The following ACSM5 variants were observed in gnomAD, a reference collection of about 807,000 sequenced individuals.
ACSM5 encodes acyl-CoA synthetase medium chain family member 5.
Under a neutral mutation model 71.6 loss-of-function variants are expected in ACSM5, and 56 were observed. That is an observed-to-expected ratio of 0.78 (90% CI 0.63 to 0.98). The LOEUF (loss-of-function observed/expected upper bound fraction) is 0.98. Ranked by LOEUF, ACSM5 falls within the 50% of genes least tolerant of loss-of-function variation. The pLI is 0.00. For synonymous variants in ACSM5, 285 were observed against 281.5 expected (o/e 1.01, Z -0.12); for missense variants, 723 against 726.0 (o/e 1.00, Z 0.05).
intron 6 of ACSM5, among the ~76,000 whole-genome samples, chr16:20,427,114 A>G (rs1048924935): frequency 6.6e-6 from 1 of 151,972 alleles, no homozygotes; most frequent in African/African-American, 2.4e-5. Flanking sequence ...CAGCCTGGCC[A>G]GGATGGTGAA....
Position 20,415,058 on chromosome 16 carries a change from C to T in ACSM5, c.205-3001C>T, listed in dbSNP as rs555653747. 3.2e-4 allele frequency among the ~76,000 whole-genome samples: 48 copies of T among 152,210 alleles called. No individual in the cohort carries two copies. The South Asian group carries it at 1.0e-2, about 32-fold the overall frequency. ...GATAGAATAACTTATAAGGGATAAG[C>T]TTGGATATTTAGCTAAGGAGATTTC... is the stretch of plus-strand genomic sequence containing the variant. On this transcript the variant is annotated intron_variant, in intron 2 of 13. Transcript: ENST00000331849.
intron 6 of ACSM5, among the ~76,000 whole-genome samples, chr16:20,425,160 C>A (rs1164164987): frequency 6.6e-6 from 1 of 152,216 alleles, no homozygotes; most frequent in Non-Finnish European, 1.5e-5. Flanking sequence ...CCCTTCCCAG[C>A]CTCTGGTAAT....
At chr16:20,421,690 T>G (rs1248677011) in intron 5 of ACSM5, among the ~76,000 whole-genome samples, 1 of 145,516 alleles carries the variant, frequency 6.9e-6, no homozygotes, top group Admixed American at 6.8e-5. Flanking sequence ...CATACACATA[T>G]AAACATATAT....
chr16:20,413,321 G>T (rs1489669344), intron 2 of ACSM5, among the ~76,000 whole-genome samples: 4 of 152,178 alleles, frequency 2.6e-5, no homozygotes, highest in African/African-American at 9.7e-5. Flanking sequence ...CATTTCTGGT[G>T]CATCACGGCA....
At position 20,411,571 on chromosome 16, in the gene ACSM5, AC is replaced by A. The variant is rs1419154357; in HGVS notation, c.89del (p.Pro30LeufsTer89). On this transcript the variant is annotated frameshift_variant, in exon 2 of 14. Transcript: ENST00000331849. LOFTEE classifies it high-confidence loss of function. ...GGTCTCATGGGAAGCCAGCACCTCTACCTGTTCCTCAGAAGATCGTGGCCAC... is the reference window on the plus strand; with the variant it reads ...GGTCTCATGGGAAGCCAGCACCTCTACTGTTCCTCAGAAGATCGTGGCCAC... The part of the protein sequence containing the change: ...CGSHGKPAPL[P>X]VPQKIVATWE... The A allele has an allele frequency of 6.2e-7, 1 of 1,614,118 alleles. No homozygotes were observed. The highest frequency in any genetic ancestry group is 1.1e-5 in the South Asian group (1 of 91,070).
At chr16:20,438,610 T>A (rs1397594301) in intron 12 of ACSM5, among the ~76,000 whole-genome samples, 2 of 151,854 alleles carry the variant, frequency 1.3e-5, no homozygotes, top group African/African-American at 4.8e-5. Context: ...GGCTGTGTGC[T>A]CAAACTTAAT....
chr16:20,410,295 A>T (rs529117455), intron 1 of ACSM5, among the ~76,000 whole-genome samples: 5 of 152,300 alleles, frequency 3.3e-5, no homozygotes, highest in Middle Eastern at 3.4e-3. Flanking sequence ...CTGAGGTCAC[A>T]CGCAGCTCCC....
rs117080231 is a variant in ACSM5, at chr16:20,427,880, T to C, written c.1001+13T>C. On this transcript the variant is annotated intron_variant, in intron 7 of 13. Transcript: ENST00000331849. ...AGGATCTGACCAGGTACAGCCCGTC[T>C]ATTTCGTGCTTTGAGGGCCTAAGTA... 0.014 allele frequency: 22,364 copies of C among 1,602,910 alleles called. 229 individuals are homozygous for C. Among genetic ancestry groups the C allele is most frequent in the Middle Eastern group, 0.025 (149 of 6,038 alleles).
chr16:20,417,039 A>AG (rs1966857943), intron 2 of ACSM5, among the ~76,000 whole-genome samples: 1 of 150,730 alleles, frequency 6.6e-6, no homozygotes, highest in Non-Finnish European at 1.5e-5. Flanking sequence ...AAAAAAAAAA[A>AG]GGTACAATAA....
At position 20,441,067 on chromosome 16, in the gene ACSM5, G is replaced by A. The variant is rs780508852; in HGVS notation, c.*640G>A. The A allele has an allele frequency of 5.3e-5, 8 of 152,160 alleles. No individual in the cohort carries two copies. The highest frequency in any genetic ancestry group is 8.8e-5 in the Non-Finnish European group (6 of 68,042). 9.4% of individuals were successfully genotyped at this position (152,160 alleles called of 1,614,324 possible). On this transcript the variant is annotated 3_prime_UTR_variant, in exon 14 of 14. Transcript: ENST00000331849. ...ATATGATGTAGCCACTAAAATATTT[G>A]AGAGCAGTTTAGTATGTCTTGGGAA...
Position 20,419,389 on chromosome 16 carries a change from T to C in ACSM5, c.577T>C (p.Ser193Pro). Reference protein sequence around the residue: ...CPSLQTKLLVSDSSRPGWLNF... With the variant: ...CPSLQTKLLVPDSSRPGWLNF... The stretch of plus-strand genomic sequence containing the variant: ...CTCCCTCCAGACCAAGCTGCTGGTG[T>C]CAGACAGCAGTCGGCCAGGCTGGTT... Residue 193 changes from serine to proline, a missense_variant, in exon 4 of 14, where the codon TCA (serine) becomes CCA (proline). Ser to Pro is a moderately conservative substitution (Grantham distance 74). Transcript: ENST00000331849. 1 of 1,614,180 alleles carries C rather than the reference T, an allele frequency of 6.2e-7. No individual in the cohort carries two copies. Among genetic ancestry groups the C allele is most frequent in the Non-Finnish European group, 8.5e-7 (1 of 1,180,016 alleles).
At chr16:20,410,137 A>G (rs1966844890) in intron 1 of ACSM5, among the ~76,000 whole-genome samples, 1 of 152,128 alleles carries the variant, frequency 6.6e-6, no homozygotes, top group African/African-American at 2.4e-5. Flanking sequence ...GCCTCTAAGC[A>G]CTCTTAAAAT....
At position 20,430,200 on chromosome 16, in the gene ACSM5, TACACACACACACAC is replaced by T. The variant is rs199835504; in HGVS notation, c.1125+422_1125+435del. ...GCTCGAACCCAAAAAGCTATTGAAA[TACACACACACACAC>T]ACACACACACACACACACACACTAC... On this transcript the variant is annotated intron_variant, in intron 8 of 13. Coordinates refer to ENST00000331849, the MANE Select transcript of ACSM5 (RefSeq NM_017888.3). 2.2e-4 allele frequency among the ~76,000 whole-genome samples: 32 copies of T among 144,858 alleles called. 1 individual carries two copies. The highest frequency in any genetic ancestry group is 1.2e-3 in the Admixed American group (18 of 14,416).
intron 12 of ACSM5, among the ~76,000 whole-genome samples, chr16:20,438,389 G>T (rs57848005): frequency 0.041 from 6,289 of 151,694 alleles, 375 homozygotes; most frequent in African/African-American, 0.14. Context: ...TAGACCTAAA[G>T]TCAGACTTAC....
chr16:20,421,601 T>C (rs1465008977), intron 5 of ACSM5, among the ~76,000 whole-genome samples, 200 bp downstream of exon 5: 1 of 138,972 alleles, frequency 7.2e-6, no homozygotes, highest in Admixed American at 7.6e-5. Context: ...GGGAGGTTTC[T>C]TTTTAAATCG....
intron 2 of ACSM5, among the ~76,000 whole-genome samples, chr16:20,413,501 G>A (rs1277556648): frequency 2.0e-5 from 3 of 152,144 alleles, no homozygotes; most frequent in Non-Finnish European, 4.4e-5. Context: ...GGGGGTTTTT[G>A]TCCAAAACAA....
At chr16:20,416,494 A>G (rs1966856581) in intron 2 of ACSM5, among the ~76,000 whole-genome samples, 1 of 152,176 alleles carries the variant, frequency 6.6e-6, no homozygotes, top group African/African-American at 2.4e-5. Flanking sequence ...TGTCTTTCCA[A>G]CTAATGATGC....
chr16:20,432,836 T>A (rs1967125452), intron 10 of ACSM5, among the ~76,000 whole-genome samples: 1 of 149,042 alleles, frequency 6.7e-6, no homozygotes, highest in Non-Finnish European at 1.5e-5. Context: ...TAGTTTTCTT[T>A]CCAGATCATT....
At chr16:20,433,306 A>G (rs1457207605) in intron 10 of ACSM5, among the ~76,000 whole-genome samples, 1 of 152,224 alleles carries the variant, frequency 6.6e-6, no homozygotes, top group Non-Finnish European at 1.5e-5. Flanking sequence ...ATAAACATAA[A>G]CATTTCAAAT....
Sources: gnomAD v4.1 joint callset for allele counts (sites outside exome capture counted in the v4.1 genomes callset) on GRCh38, gnomAD v4.1.1 for gene constraint, MANE v1.5 for transcripts, NCBI Gene and HGNC (gene_info 2026-07-23, HGNC 2026-07-21) for gene names.